The following RYR3 variants were observed in gnomAD, a reference collection of about 807,000 sequenced individuals.
RYR3 encodes the protein ryanodine receptor 3, also known as brain ryanodine receptor-calcium release channel.
In RYR3, 207 loss-of-function variants were observed where a neutral mutation model predicts 584.3. The observed-to-expected ratio is 0.35, with a 90% CI of 0.32 to 0.40. RYR3 has a LOEUF of 0.40. Ranked by LOEUF, RYR3 falls within the 10% of genes least tolerant of loss-of-function variation. The pLI, the probability that RYR3 is intolerant of heterozygous loss-of-function variation, is 1.00. For missense variants in RYR3, 5,616 were observed against 6,089.2 expected (o/e 0.92, Z 2.59); for synonymous variants, 2,416 against 2,248.5 (o/e 1.07, Z -2.11).
intron 1 of RYR3, among the ~76,000 whole-genome samples, chr15:33,371,941 A>G (rs990839269): frequency 2.0e-5 from 3 of 152,212 alleles, no homozygotes; most frequent in African/African-American, 7.2e-5. Context: ...TTTATCTGGC[A>G]TTTCAGCCAA....
At chr15:33,713,240 G>C (rs937595729) in intron 43 of RYR3, among the ~76,000 whole-genome samples, 2 of 151,898 alleles carry the variant, frequency 1.3e-5, no homozygotes, top group Non-Finnish European at 2.9e-5. Context: ...GGTGGGTGAT[G>C]GGGTGTTCAT....
chr15:33,472,136 T>C (rs1482846320), intron 1 of RYR3, among the ~76,000 whole-genome samples: 2 of 152,198 alleles, frequency 1.3e-5, no homozygotes, highest in South Asian at 2.1e-4. Flanking sequence ...AACAGTGACA[T>C]TTCAGTGCTA....
intron 70 of RYR3, chr15:33,807,909 G>A (rs942701636): frequency 6.1e-6 from 2 of 329,932 alleles, no homozygotes; most frequent in Admixed American, 8.6e-5. Flanking sequence ...ACTACTCCTC[G>A]TGGTGCTACC....
At chr15:33,604,265 C>G (rs541490034) in intron 18 of RYR3, among the ~76,000 whole-genome samples, 1 of 152,324 alleles carries the variant, frequency 6.6e-6, no homozygotes, top group South Asian at 2.1e-4. Flanking sequence ...CAGGACAAAC[C>G]TGTATATTTT....
At chr15:33,364,539 A>G (rs1567101186) in intron 1 of RYR3, among the ~76,000 whole-genome samples, 1 of 152,174 alleles carries the variant, frequency 6.6e-6, no homozygotes, top group Non-Finnish European at 1.5e-5. Flanking sequence ...GAAATACAAG[A>G]TAGAGTAATG....
intron 3 of RYR3, among the ~76,000 whole-genome samples, chr15:33,513,956 T>A (rs766712081): frequency 6.6e-6 from 1 of 152,220 alleles, no homozygotes; most frequent in Non-Finnish European, 1.5e-5. Flanking sequence ...TTGTACTTGT[T>A]CTTGAACTTG....
At chr15:33,650,680 C>G (rs1386678387) in intron 31 of RYR3, among the ~76,000 whole-genome samples, 1 of 152,178 alleles carries the variant, frequency 6.6e-6, no homozygotes, top group Non-Finnish European at 1.5e-5. Flanking sequence ...ACTCAATGAC[C>G]TCAGTCAGCA....
In RYR3 at chr15:33,462,215, C is replaced by T. The variant is rs530232930; in HGVS notation, c.52-11204C>T. On this transcript the variant is annotated intron_variant, in intron 1 of 103. Coordinates refer to ENST00000634891, the MANE Select transcript of RYR3 (RefSeq NM_001036.6). ...ATCTTTTTTTGAAAAAGGTAGTGTT[C>T]CCTGGTTATTAGATTTTGTATGGAA... Among the ~76,000 whole-genome samples, 8 of 152,126 alleles carry T rather than the reference C, an allele frequency of 5.3e-5. No individual in the cohort carries two copies. The South Asian group carries it at 1.5e-3, about 28-fold the overall frequency.
At chr15:33,375,213 GTTTTTAAGTGAAA>G (rs943254048) in intron 1 of RYR3, among the ~76,000 whole-genome samples, 2 of 152,086 alleles carry the variant, frequency 1.3e-5, no homozygotes, top group South Asian at 2.1e-4. Context: ...TTTGCCCCAA[GTTTTTAAGTGAAA>G]TAATACAAAG....
At chr15:33,694,852 T>G (rs1028110730) in intron 38 of RYR3, among the ~76,000 whole-genome samples, 5 of 152,226 alleles carry the variant, frequency 3.3e-5, no homozygotes, top group Admixed American at 2.6e-4. Context: ...CATCTGAATC[T>G]AACACACCGA....
intron 3 of RYR3, among the ~76,000 whole-genome samples, chr15:33,510,400 A>G (rs1053941928): frequency 2.0e-5 from 3 of 152,226 alleles, no homozygotes; most frequent in African/African-American, 4.8e-5. Flanking sequence ...CCTGTGGGCT[A>G]TAGCCCATCA....
rs146674487 is a variant in RYR3 at position 33,715,669 on chromosome 15, C to G, written c.6620-7046C>G. Among the ~76,000 whole-genome samples the G allele has an allele frequency of 2.5e-3, 388 of 152,200 alleles. 2 individuals are homozygous for G. The highest frequency in any genetic ancestry group is 8.9e-3 in the African/African-American group (370 of 41,532). ...GACTGGGAAGTTCAAGAACAAGGCACCAGTAAGATTGATGTCTGGGAGGGC... is the reference window on the plus strand; with the variant it reads ...GACTGGGAAGTTCAAGAACAAGGCAGCAGTAAGATTGATGTCTGGGAGGGC... On this transcript the variant is annotated intron_variant, in intron 43 of 103. Coordinates refer to ENST00000634891, the MANE Select transcript of RYR3 (RefSeq NM_001036.6).
intron 53 of RYR3, among the ~76,000 whole-genome samples, chr15:33,746,448 C>G (rs1167458340): frequency 6.6e-6 from 1 of 152,138 alleles, no homozygotes; most frequent in Non-Finnish European, 1.5e-5. Flanking sequence ...TGAACTGAAC[C>G]AGGAAGGGGT....
At chr15:33,722,200 G>A (rs1239862449) in intron 43 of RYR3, among the ~76,000 whole-genome samples, 1 of 152,144 alleles carries the variant, frequency 6.6e-6, no homozygotes, top group Admixed American at 6.5e-5. Flanking sequence ...TTTCAAGGAA[G>A]GAAGCAGATT....
intron 1 of RYR3, among the ~76,000 whole-genome samples, chr15:33,387,722 T>C (rs2248088): frequency 0.68 from 101,815 of 150,742 alleles, 34,497 homozygotes; most frequent in Non-Finnish European, 0.7. Flanking sequence ...CTCAGAAAAA[T>C]GTAAGCAGAC....
At chr15:33,435,693 C>G (rs1196442720) in intron 1 of RYR3, among the ~76,000 whole-genome samples, 1 of 152,140 alleles carries the variant, frequency 6.6e-6, no homozygotes, top group Admixed American at 6.5e-5. Context: ...GGTGGCATGT[C>G]CGGAGTTGAT....
chr15:33,566,781 T>C lies in RYR3; in HGVS notation c.1250T>C (p.Leu417Ser). The change falls in exon 12 of 104, where the codon TTA (leucine) becomes TCA (serine). Residue 417 changes from leucine to serine, a missense_variant. Coordinates refer to ENST00000634891, the MANE Select transcript of RYR3 (RefSeq NM_001036.6). ...AARIIRNTTA[L>S]FSQFVSGNNR... ...CGGATCATCCGGAACACTACAGCCTTATTCAGCCAGTTTGTCAGGTATGTT... is the reference window on the plus strand; with the variant it reads ...CGGATCATCCGGAACACTACAGCCTCATTCAGCCAGTTTGTCAGGTATGTT... 6.2e-7 allele frequency: 1 copy of C among 1,613,710 alleles called. No homozygotes were observed. The highest frequency in any genetic ancestry group is 8.5e-7 in the Non-Finnish European group (1 of 1,179,688).
At chr15:33,687,892 C>T (rs1202414766) in intron 38 of RYR3, among the ~76,000 whole-genome samples, 1 of 152,148 alleles carries the variant, frequency 6.6e-6, no homozygotes, top group Non-Finnish European at 1.5e-5. Flanking sequence ...CCCTTCCTTA[C>T]ACCTTAGACA....
At chr15:33,339,200 G>A (rs1384032056) in intron 1 of RYR3, among the ~76,000 whole-genome samples, 1 of 152,228 alleles carries the variant, frequency 6.6e-6, no homozygotes, top group Non-Finnish European at 1.5e-5. Context: ...GCTGGGCCGT[G>A]GGACTGGAGA....
Sources: allele counts gnomAD v4.1 joint callset (sites outside exome capture counted in the v4.1 genomes callset), GRCh38; gene constraint gnomAD v4.1.1; transcripts MANE v1.5; gene names NCBI Gene and HGNC (gene_info 2026-07-23, HGNC 2026-07-21).